SEMA4D: variants seen among roughly 807,000 people sequenced by gnomAD.
The protein encoded by SEMA4D is semaphorin 4D.
SEMA4D carries 22 observed loss-of-function variants against 74.8 expected under a neutral mutation model. The observed-to-expected ratio is 0.29, with a 90% confidence interval of 0.21 to 0.42. SEMA4D has a LOEUF of 0.42. Among genes scored for constraint, SEMA4D ranks in the 10% least tolerant of loss-of-function variants. The pLI is 1.00. For synonymous variants in SEMA4D, 445 were observed against 463.7 expected, an observed-to-expected ratio of 0.96 and a Z score of 0.52; for missense variants, 937 against 1,118.4, an observed-to-expected ratio of 0.84 and a Z score of 2.31.
Position 89,405,448 on chromosome 9 carries a change from C to T in SEMA4D, c.9G>A (p.Met3Ile). The T allele has an allele frequency of 6.2e-7, 1 of 1,613,784 alleles. No homozygotes were observed. Among genetic ancestry groups the T allele is most frequent in the Non-Finnish European group, 8.5e-7 (1 of 1,180,032 alleles). Residue 3 changes from methionine to isoleucine, a missense_variant, in exon 3 of 16, where the codon ATG becomes ATA. By Grantham distance (10) the Met-to-Ile change is conservative. Coordinates refer to ENST00000422704, the MANE Select transcript of SEMA4D (RefSeq NM_001371194.2). MR[M>I]CTPIRGLLMA... Reference sequence around the variant, plus strand: ...TGAGCAGCCCCCTAATGGGGGTGCACATCCTCATCAGGTAGAGGCGACCCC... The same window carrying T: ...TGAGCAGCCCCCTAATGGGGGTGCATATCCTCATCAGGTAGAGGCGACCCC...
At chr9:89,480,819 A>G (rs1030180939) in intron 1 of SEMA4D, among the ~76,000 whole-genome samples, 10 of 152,018 alleles carry the variant, frequency 6.6e-5, no homozygotes, top group African/African-American at 2.2e-4. Flanking sequence ...CTCCCTACAA[A>G]CTGGGGGAGT....
rs558467673 is a variant in SEMA4D, at chr9:89,422,435, T to C, written c.-243-16736A>G. On this transcript the variant is annotated intron_variant, in intron 2 of 15. Transcript: ENST00000422704. Reference sequence around the variant, plus strand: ...CCTGCTGGCTCTGTAACATGGGAAGTGGGACAGGCAGGCTGGGAGCCATGC... The same window carrying C: ...CCTGCTGGCTCTGTAACATGGGAAGCGGGACAGGCAGGCTGGGAGCCATGC... Among the ~76,000 whole-genome samples, 7 of 152,230 alleles carry C rather than the reference T, an allele frequency of 4.6e-5. No individual in the cohort carries two copies. The East Asian group carries it at 1.3e-3, about 29-fold the overall frequency.
At chr9:89,424,938 T>TC (rs142418527) in intron 2 of SEMA4D, among the ~76,000 whole-genome samples, 1,839 of 152,240 alleles carry the variant, frequency 0.012, 36 homozygotes, top group African/African-American at 0.042. Context: ...CCTGTTTCTC[T>TC]CCAGGGCTTG....
At chr9:89,363,589 C>T in intron 17 of SEMA4D, 2 of 1,604,648 alleles carry the variant, frequency 1.2e-6, no homozygotes, top group Non-Finnish European at 1.7e-6. Context: ...CCCTTGATGC[C>T]CACTGGCCAC....
At chr9:89,420,350 T>C (rs1319155920) in intron 2 of SEMA4D, among the ~76,000 whole-genome samples, 5 of 152,234 alleles carry the variant, frequency 3.3e-5, no homozygotes, top group Non-Finnish European at 7.3e-5. Flanking sequence ...ACTTCTCATG[T>C]AATTACTCAT....
At chr9:89,439,894 T>C (rs964545145) in intron 2 of SEMA4D, among the ~76,000 whole-genome samples, 1 of 152,204 alleles carries the variant, frequency 6.6e-6, no homozygotes, top group African/African-American at 2.4e-5. Context: ...CGCATCTTAG[T>C]GTCAATTTAA....
intron 1 of SEMA4D, among the ~76,000 whole-genome samples, chr9:89,470,156 T>C (rs914871699): frequency 1.3e-5 from 2 of 152,218 alleles, no homozygotes; most frequent in Non-Finnish European, 2.9e-5. Flanking sequence ...AAAATTAAAA[T>C]GTTTGGCTCT....
chr9:89,427,885 C>T (rs779492096), intron 2 of SEMA4D, among the ~76,000 whole-genome samples: 1 of 152,210 alleles, frequency 6.6e-6, no homozygotes, highest in Admixed American at 6.5e-5. Flanking sequence ...ACACAGTCAC[C>T]TTCCAGGTCT....
intron 2 of SEMA4D, among the ~76,000 whole-genome samples, chr9:89,412,140 G>A (rs937620857): frequency 6.6e-5 from 10 of 152,212 alleles, no homozygotes; most frequent in South Asian, 4.1e-4. Context: ...ACCTAAAAAC[G>A]CCTCCCTGAC....
In SEMA4D at chr9:89,399,294, T is replaced by C. The variant is rs765622328; in HGVS notation, c.297A>G (p.Glu99=). 9.9e-6 allele frequency: 16 copies of C among 1,613,882 alleles called. No homozygotes were observed. The highest frequency in any genetic ancestry group is 1.3e-5 in the African/African-American group (1 of 75,060). The change falls in exon 5 of 16, where the codon GAA becomes GAG. Residue 99 remains glutamate, a synonymous_variant. Coordinates refer to ENST00000422704, the MANE Select transcript of SEMA4D (RefSeq NM_001371194.2). ...AATTTACCTGTTTTGATTTCCCCTT[T>C]TCTGCACATTTTGCTTTTTTGTCTT... is the stretch of plus-strand genomic sequence containing the variant. The part of the protein sequence containing the change: ...VSEDKKAKCA[E]KGKSKQTECL...
Position 89,381,118 on chromosome 9 carries a change from T to C in SEMA4D, c.1620-20A>G. 1 of 1,614,050 alleles carries C rather than the reference T, an allele frequency of 6.2e-7. No individual in the cohort carries two copies. Among genetic ancestry groups the C allele is most frequent in the Non-Finnish European group, 8.5e-7 (1 of 1,180,026 alleles). On this transcript the variant is annotated intron_variant, in intron 14 of 15. Coordinates refer to ENST00000422704, the MANE Select transcript of SEMA4D (RefSeq NM_001371194.2). This position sits in a 1 kb window ranked among gnomAD's most constrained non-coding sequence, Gnocchi z 4.6. ...AAACCCCTGCAAAACAACCGGCACG[T>C]GTTATTCACCCACACACATGGGGGA...
At chr9:89,480,356 C>T (rs1386211565) in intron 1 of SEMA4D, among the ~76,000 whole-genome samples, 2 of 152,388 alleles carry the variant, frequency 1.3e-5, no homozygotes, top group African/African-American at 4.8e-5. Flanking sequence ...CTGGTTTCAC[C>T]TAGTGGATCC....
intron 1 of SEMA4D, among the ~76,000 whole-genome samples, chr9:89,495,644 T>C (rs1214966345): frequency 6.6e-6 from 1 of 152,200 alleles, no homozygotes; most frequent in African/African-American, 2.4e-5. Context: ...GGCAGCAGCC[T>C]TTCTCTCAGC....
intron 16 of SEMA4D, among the ~76,000 whole-genome samples, chr9:89,371,502 T>C (rs1226128612): frequency 1.5e-5 from 1 of 68,028 alleles, no homozygotes; most frequent in Non-Finnish European, 2.6e-5. Context: ...GTCTGGGGTG[T>C]AGTGTGTGTG....
intron 2 of SEMA4D, among the ~76,000 whole-genome samples, chr9:89,432,888 C>G (rs1261688940): frequency 6.6e-6 from 1 of 152,172 alleles, no homozygotes; most frequent in East Asian, 1.9e-4. Context: ...ACAAAGAAGT[C>G]TCAAAGAGAC....
intron 2 of SEMA4D, among the ~76,000 whole-genome samples, chr9:89,406,211 GTACA>G (rs1286920179): frequency 1.3e-5 from 2 of 152,120 alleles, no homozygotes; most frequent in African/African-American, 4.8e-5. Flanking sequence ...GCACACATAT[GTACA>G]CACACACATG....
chr9:89,419,715 C>G (rs1382571235), intron 2 of SEMA4D, among the ~76,000 whole-genome samples: 2 of 152,038 alleles, frequency 1.3e-5, no homozygotes, highest in Non-Finnish European at 2.9e-5. Flanking sequence ...GAGTTCAAGA[C>G]CAGCTTGACC....
At chr9:89,451,800 A>G (rs190762051) in intron 2 of SEMA4D, among the ~76,000 whole-genome samples, 11 of 152,294 alleles carry the variant, frequency 7.2e-5, no homozygotes, top group Non-Finnish European at 4.4e-5. Context: ...TTAGTAATAT[A>G]TTTTATCTAA....
chr9:89,380,445 C>T (rs1271752158), intron 15 of SEMA4D, among the ~76,000 whole-genome samples: 1 of 152,210 alleles, frequency 6.6e-6, no homozygotes, highest in Non-Finnish European at 1.5e-5. Flanking sequence ...AATCCTCCTG[C>T]CTCAGCCTCC....
Sources: gnomAD v4.1 joint callset for allele counts (sites outside exome capture counted in the v4.1 genomes callset) on GRCh38, gnomAD v4.1.1 for gene constraint, Gnocchi (gnomAD v3.1) non-coding constraint, MANE v1.5 for transcripts, NCBI Gene and HGNC (gene_info 2026-07-23, HGNC 2026-07-21) for gene names.